The following EPHA5 variants were observed in gnomAD, a reference collection of about 807,000 sequenced individuals.
EPHA5 encodes the protein ephrin type-A receptor 5.
Under a neutral mutation model 105.0 loss-of-function variants are expected in EPHA5, and 60 were observed. The ratio of observed to expected loss-of-function variants is 0.57; its 90% CI spans 0.46 to 0.71. The LOEUF (loss-of-function observed/expected upper bound fraction) is 0.71. EPHA5 is among the 30% of genes least tolerant of loss of function. The pLI, the probability that EPHA5 is intolerant of heterozygous loss-of-function variation, is 0.00. For missense variants in EPHA5, 1,218 were observed against 1,274.7 expected, an observed-to-expected ratio of 0.96 and a Z score of 0.68; for synonymous variants, 513 against 449.1, an observed-to-expected ratio of 1.14 and a Z score of -1.80.
intron 3 of EPHA5, among the ~76,000 whole-genome samples, chr4:65,544,219 G>A (rs1737145558): frequency 6.6e-6 from 1 of 151,944 alleles, no homozygotes; most frequent in African/African-American, 2.4e-5. Flanking sequence ...AGCCAAAATT[G>A]ACAAATGGTA....
At chr4:65,443,942 C>A (rs1726264862) in intron 5 of EPHA5, among the ~76,000 whole-genome samples, 1 of 151,404 alleles carries the variant, frequency 6.6e-6, no homozygotes, top group African/African-American at 2.4e-5. Context: ...TGCACGTGTG[C>A]ACGCGCACAT....
At chr4:65,430,663 G>A (rs1724885221) in intron 5 of EPHA5, among the ~76,000 whole-genome samples, 1 of 151,996 alleles carries the variant, frequency 6.6e-6, no homozygotes, top group Non-Finnish European at 1.5e-5. Flanking sequence ...AATTATCCAA[G>A]TTCACCCCAC....
Position 65,512,176 on chromosome 4 carries a change from T to C in EPHA5, c.911-16633A>G, listed in dbSNP as rs569539280. ...TGTTTAAATATGAGGTAAAACATGATCACTTACAGGTGAAGTGTGGACAGG... is the reference window on the plus strand; with the variant it reads ...TGTTTAAATATGAGGTAAAACATGACCACTTACAGGTGAAGTGTGGACAGG... On this transcript the variant is annotated intron_variant, in intron 3 of 16. Transcript: ENST00000613740. Among the ~76,000 whole-genome samples, 4 of 152,278 alleles carry C rather than the reference T, an allele frequency of 2.6e-5. No individual in the cohort carries two copies. In the East Asian group the frequency reaches 7.7e-4, roughly 29 times the overall value.
At chr4:65,590,117 T>C (rs1336504439) in intron 3 of EPHA5, among the ~76,000 whole-genome samples, 1 of 152,210 alleles carries the variant, frequency 6.6e-6, no homozygotes, top group African/African-American at 2.4e-5. Context: ...AATGGAGTTA[T>C]CCGTCAGTCA....
chr4:65,661,057 T>C (rs1404762186), intron 1 of EPHA5, among the ~76,000 whole-genome samples: 1 of 152,194 alleles, frequency 6.6e-6, no homozygotes, highest in Non-Finnish European at 1.5e-5. Flanking sequence ...AAAATGGTTT[T>C]ATTTCATTTG....
chr4:65,365,659 A>ATC lies in EPHA5; in HGVS notation c.1987+272_1987+273insGA, dbSNP rs1560457940. On this transcript the variant is annotated intron_variant, in intron 10 of 16. Coordinates refer to ENST00000613740, the MANE Select transcript of EPHA5 (RefSeq NM_001281766.3). ...GGTATTACAAATTCACTATATATAT[A>ATC]TATATATATATATATATATATATAT... Among the ~76,000 whole-genome samples the ATC allele has an allele frequency of 4.2e-3, 339 of 81,044 alleles. 11 individuals carry two copies. Among genetic ancestry groups the ATC allele is most frequent in the Non-Finnish European group, 7.8e-3 (281 of 36,080 alleles). The allele number at this position is 81,044 out of a possible 152,430, so 53.2% of individuals were successfully genotyped here. A position where few individuals can be genotyped will look rare whatever the true frequency, so the allele number is the denominator to read the frequency against.
At chr4:65,510,270 C>G (rs1486925271) in intron 3 of EPHA5, among the ~76,000 whole-genome samples, 1 of 151,676 alleles carries the variant, frequency 6.6e-6, no homozygotes, top group Non-Finnish European at 1.5e-5. Flanking sequence ...GTCTCGAACT[C>G]CCAACCTCAG....
intron 3 of EPHA5, among the ~76,000 whole-genome samples, chr4:65,590,741 G>GT (rs1301796374): frequency 6.6e-6 from 1 of 152,086 alleles, no homozygotes; most frequent in Non-Finnish European, 1.5e-5. Flanking sequence ...ATTCCTCAAG[G>GT]TTAACCCATC....
At chr4:65,554,270 A>T (rs1352642029) in intron 3 of EPHA5, among the ~76,000 whole-genome samples, 2 of 148,982 alleles carry the variant, frequency 1.3e-5, no homozygotes, top group African/African-American at 2.4e-5. Flanking sequence ...TATGTTATAT[A>T]TAATTAAAAT....
chr4:65,448,441 A>G (rs1409849917), intron 5 of EPHA5, among the ~76,000 whole-genome samples: 1 of 152,166 alleles, frequency 6.6e-6, no homozygotes, highest in South Asian at 2.1e-4. Context: ...TAAAGTCAGG[A>G]GTTCCAGAGT....
At chr4:65,572,018 T>G (rs1740243342) in intron 3 of EPHA5, among the ~76,000 whole-genome samples, 1 of 152,062 alleles carries the variant, frequency 6.6e-6, no homozygotes, top group African/African-American at 2.4e-5. Flanking sequence ...TTTAAATAAT[T>G]TTTGAATTAA....
At chr4:65,519,422 T>TAAA (rs902449021) in intron 3 of EPHA5, among the ~76,000 whole-genome samples, 2 of 152,030 alleles carry the variant, frequency 1.3e-5, no homozygotes, top group Non-Finnish European at 2.9e-5. Context: ...GCCAATATCA[T>TAAA]ACTGAAAGGG....
At chr4:65,654,947 A>C (rs1390380695) in intron 1 of EPHA5, among the ~76,000 whole-genome samples, 1 of 148,666 alleles carries the variant, frequency 6.7e-6, no homozygotes, top group Non-Finnish European at 1.5e-5. Flanking sequence ...ATATATGTAT[A>C]TATATCAAAG....
Position 65,576,000 on chromosome 4 carries a change from G to GAGAA in EPHA5, c.910+25637_910+25640dup, listed in dbSNP as rs1553943367. 2.7e-3 allele frequency among the ~76,000 whole-genome samples: 80 copies of GAGAA among 29,688 alleles called. 1 individual carries two copies. Among genetic ancestry groups the GAGAA allele is most frequent in the Middle Eastern group, 0.019 (1 of 52 alleles). 19.5% of individuals were successfully genotyped at this position (29,688 alleles called of 152,430 possible). On this transcript the variant is annotated intron_variant, in intron 3 of 16. Coordinates refer to ENST00000613740, the MANE Select transcript of EPHA5 (RefSeq NM_001281766.3). Reference sequence around the variant, plus strand: ...AAAAAGAAAGAGAGAGAGAGAGAGAGAGAAAGAAAGAAAGAAAGAAAGAAA... The same window carrying GAGAA: ...AAAAAGAAAGAGAGAGAGAGAGAGAGAGAAAGAAAGAAAGAAAGAAAGAAAGAAA...
intron 7 of EPHA5, among the ~76,000 whole-genome samples, chr4:65,406,516 C>T (rs1055346497): frequency 4.6e-5 from 7 of 151,344 alleles, no homozygotes; most frequent in Non-Finnish European, 1.5e-5. Context: ...TATTCTCTTC[C>T]CACAGCAATG....
intron 5 of EPHA5, among the ~76,000 whole-genome samples, chr4:65,425,513 T>A: frequency 6.6e-6 from 1 of 152,088 alleles, no homozygotes; most frequent in Non-Finnish European, 1.5e-5. Context: ...AGATTCTGTA[T>A]TTTCAGTAAA....
At chr4:65,490,229 A>C in intron 5 of EPHA5, 148 bp downstream of exon 5, 1 of 621,380 alleles carries the variant, frequency 1.6e-6, no homozygotes. Flanking sequence ...AAACTGCAAA[A>C]GCGTTTTTGA....
intron 6 of EPHA5, among the ~76,000 whole-genome samples, chr4:65,419,580 C>T (rs1723744258): frequency 6.6e-6 from 1 of 152,094 alleles, no homozygotes; most frequent in African/African-American, 2.4e-5. Context: ...GGTTTGGGTA[C>T]CCATCTATCT....
At chr4:65,442,070 A>G (rs1726068094) in intron 5 of EPHA5, among the ~76,000 whole-genome samples, 1 of 152,148 alleles carries the variant, frequency 6.6e-6, no homozygotes, top group Admixed American at 6.6e-5. Context: ...TCTAAATAAA[A>G]TGTCCAATGT....
Sources: gnomAD v4.1 joint callset for allele counts (sites outside exome capture counted in the v4.1 genomes callset) on GRCh38, gnomAD v4.1.1 for gene constraint, MANE v1.5 for transcripts, NCBI Gene and HGNC (gene_info 2026-07-23, HGNC 2026-07-21) for gene names.